NUP210L: variants seen among roughly 807,000 people sequenced by gnomAD.
NUP210L encodes nucleoporin 210 like, also known as nuclear pore membrane glycoprotein 210-like.
Under a neutral mutation model 208.5 loss-of-function variants are expected in NUP210L, and 74 were observed. That is an observed-to-expected ratio of 0.35 (90% CI 0.29 to 0.43). The LOEUF (loss-of-function observed/expected upper bound fraction) is 0.43, where lower values mean the gene tolerates loss of function less well. Among genes scored for constraint, NUP210L ranks in the 20% least tolerant of loss-of-function variants. NUP210L has a pLI of 1.00. For missense variants in NUP210L, 1,843 were observed against 2,289.4 expected (o/e 0.81, Z 3.98); for synonymous variants, 780 against 816.9 (o/e 0.95, Z 0.77).
Position 154,012,281 on chromosome 1 carries a change from G to A in NUP210L, c.4743C>T (p.Leu1581=), listed in dbSNP as rs752219485. Residue 1581 remains leucine (L), a synonymous_variant, in exon 34 of 40, where the codon CTC becomes CTT. Transcript: ENST00000368559. ...CACCATTTCTGCCAGTGGTGATGAAGAGCTTGAATACAGTTGAATTGAGGG... is the reference window on the plus strand; with the variant it reads ...CACCATTTCTGCCAGTGGTGATGAAAAGCTTGAATACAGTTGAATTGAGGG... 11 of 1,613,828 alleles carry A rather than the reference G, an allele frequency of 6.8e-6. No individual in the cohort carries two copies. In the East Asian group the frequency reaches 1.3e-4, roughly 20 times the overall value.
chr1:154,006,266 C>T (rs561700796), intron 35 of NUP210L, among the ~76,000 whole-genome samples: 1 of 152,068 alleles, frequency 6.6e-6, no homozygotes, highest in Non-Finnish European at 1.5e-5. Context: ...GCAGCCTCAA[C>T]CTCCTGGGCC....
intron 1 of NUP210L, 37 bp from the exon 2 acceptor site, chr1:154,152,909 G>A (rs1187514600): frequency 6.3e-7 from 1 of 1,599,500 alleles, no homozygotes; most frequent in African/African-American, 1.3e-5. Flanking sequence ...TGAAATAGGT[G>A]GGTTAAAATT....
At position 153,998,355 on chromosome 1, in the gene NUP210L, G is replaced by A. The variant is rs146161136; in HGVS notation, c.5386+2501C>T. ...GGATCATTTGAGATCAGGAGTTCGA[G>A]ACCAGCCTGGCCAACATGGTGAAAC... On this transcript the variant is annotated intron_variant, in intron 37 of 39. Transcript: ENST00000368559. Among the ~76,000 whole-genome samples, 1,140 of 152,014 alleles carry A rather than the reference G, an allele frequency of 7.5e-3. 13 individuals are homozygous for A. The highest frequency in any genetic ancestry group is 0.027 in the African/African-American group (1,099 of 41,468).
At chr1:154,124,714 C>T (rs150091818) in intron 10 of NUP210L, among the ~76,000 whole-genome samples, 7 of 152,100 alleles carry the variant, frequency 4.6e-5, no homozygotes, top group South Asian at 4.2e-4. Flanking sequence ...CATTTTGGGA[C>T]GCCAAGGCAG....
Position 153,995,198 on chromosome 1 carries a change from CA to C in NUP210L, c.5387-19del. ...ACAGTGATCTATACATTGGCCATAA[CA>C]AAACAAGATAATAGTTAATAGCAAC... On this transcript the variant is annotated intron_variant, in intron 37 of 39. Coordinates refer to ENST00000368559, the Ensembl canonical transcript of NUP210L. 1 of 1,553,736 alleles carries C rather than the reference CA, an allele frequency of 6.4e-7. No individual in the cohort carries two copies. The highest frequency in any genetic ancestry group is 8.8e-7 in the Non-Finnish European group (1 of 1,130,602).
chr1:154,112,640 G>A (rs1657098522), intron 12 of NUP210L, among the ~76,000 whole-genome samples: 1 of 152,078 alleles, frequency 6.6e-6, no homozygotes. Context: ...AAGATCGCTT[G>A]AGCCCAGGAG....
chr1:154,070,378 T>C (rs1440872485), exon 17 of NUP210L: 2 of 1,613,370 alleles, frequency 1.2e-6, no homozygotes, highest in Non-Finnish European at 1.7e-6. Flanking sequence ...CATTCTAGCA[T>C]TAGTGAACTG....
rs370930663 is a variant in NUP210L at position 154,057,072 on chromosome 1, A to G, written c.3108-125T>C. 5 of 820,072 alleles carry G rather than the reference A, an allele frequency of 6.1e-6. No individual in the cohort carries two copies. In the African/African-American group the frequency reaches 7.1e-5, roughly 12 times the overall value. 50.8% of individuals were successfully genotyped at this position (820,072 alleles called of 1,614,324 possible). On this transcript the variant is annotated intron_variant, in intron 22 of 39. Coordinates refer to ENST00000368559, the Ensembl canonical transcript of NUP210L. ...CAGCTCATTGCAGCCTCAACCTCCC[A>G]GACTCAATGTATCCTCCCACCTCAG...
At chr1:154,066,394 C>G (rs1654416537) in intron 17 of NUP210L, among the ~76,000 whole-genome samples, 1 of 152,116 alleles carries the variant, frequency 6.6e-6, no homozygotes, top group South Asian at 2.1e-4. Flanking sequence ...GGCGGATCAC[C>G]AAGTCAGGAG....
chr1:154,050,411 G>T (rs1322192757), intron 25 of NUP210L, among the ~76,000 whole-genome samples: 1 of 152,166 alleles, frequency 6.6e-6, no homozygotes, highest in East Asian at 1.9e-4. Context: ...AAGCTCAAAA[G>T]ATAGAATAGA....
chr1:154,009,278 C>A (rs575720231), intron 35 of NUP210L, among the ~76,000 whole-genome samples: 1 of 152,100 alleles, frequency 6.6e-6, no homozygotes, highest in Non-Finnish European at 1.5e-5. Flanking sequence ...GTCATCCTAA[C>A]ATCATGCCTA....
chr1:153,995,883 A>T lies in NUP210L; in HGVS notation c.5387-703T>A, dbSNP rs1247085861. The T allele has an allele frequency of 5.0e-5, 28 of 562,972 alleles. No individual in the cohort carries two copies. The East Asian group carries it at 8.7e-4, about 18-fold the overall frequency. 34.9% of individuals were successfully genotyped at this position (562,972 alleles called of 1,614,324 possible). A position where few individuals can be genotyped will look rare whatever the true frequency, so the allele number is the denominator to read the frequency against. On this transcript the variant is annotated intron_variant, in intron 37 of 39. Coordinates refer to ENST00000368559, the Ensembl canonical transcript of NUP210L. ...GTGTGCTAAATGTGTTCGTGACTGG[A>T]TCAAGTGTGCTCTCCTTATCGAGGA...
At chr1:154,149,836 T>C (rs147317908) in intron 2 of NUP210L, among the ~76,000 whole-genome samples, 15 of 152,236 alleles carry the variant, frequency 9.9e-5, no homozygotes, top group Non-Finnish European at 2.1e-4. Flanking sequence ...TATTAAATAA[T>C]ATAACAGATA....
exon 5 of NUP210L, chr1:154,139,832 T>C: frequency 6.2e-7 from 1 of 1,613,110 alleles, no homozygotes. Context: ...TTCGAACTTT[T>C]ACAACAGCAG....
intron 27 of NUP210L, among the ~76,000 whole-genome samples, chr1:154,042,376 T>C (rs1652932057): frequency 6.6e-6 from 1 of 151,806 alleles, no homozygotes; most frequent in African/African-American, 2.4e-5. Flanking sequence ...GTGCTGGGAT[T>C]ATAGCTGTGA....
exon 18 of NUP210L, chr1:154,061,654 G>A: frequency 2.5e-6 from 4 of 1,603,514 alleles, no homozygotes; most frequent in Non-Finnish European, 3.4e-6. Context: ...TTTATCTGAT[G>A]TACTTTAAGG....
exon 10 of NUP210L, chr1:154,126,406 C>T (rs781721272): frequency 5.0e-6 from 8 of 1,612,912 alleles, no homozygotes; most frequent in South Asian, 3.3e-5. Flanking sequence ...GATCCATTCA[C>T]GGTAGTTAGT....
intron 36 of NUP210L, among the ~76,000 whole-genome samples, chr1:154,001,532 C>G (rs927199525): frequency 2.6e-5 from 4 of 152,060 alleles, no homozygotes; most frequent in Non-Finnish European, 5.9e-5. Flanking sequence ...GGTATGTTGA[C>G]AAAGCTTATG....
At chr1:153,999,927 C>G (rs1650112474) in intron 37 of NUP210L, among the ~76,000 whole-genome samples, 1 of 151,214 alleles carries the variant, frequency 6.6e-6, no homozygotes, top group African/African-American at 2.4e-5. Flanking sequence ...TGGTCTCAAG[C>G]AATCCTCCTG....
Sources: allele counts gnomAD v4.1 joint callset (sites outside exome capture counted in the v4.1 genomes callset), GRCh38; gene constraint gnomAD v4.1.1; transcripts MANE v1.5; gene names NCBI Gene and HGNC (gene_info 2026-07-23, HGNC 2026-07-21).